Variants in MMRN1 observed in about 807,000 individuals in gnomAD.
The protein encoded by MMRN1 is multimerin-1.
In MMRN1, 94 loss-of-function variants were observed where a neutral mutation model predicts 100.7. The ratio of observed to expected loss-of-function variants is 0.93; its 90% CI spans 0.79 to 1.11. The LOEUF is 1.11. Among genes scored for constraint, MMRN1 ranks in the 50% least tolerant of loss-of-function variants. The pLI is 0.00. For synonymous variants in MMRN1, 575 were observed against 505.0 expected (o/e 1.14, Z -1.86); for missense variants, 1,606 against 1,439.1 (o/e 1.12, Z -1.88).
rs549905323 is a variant in MMRN1 at position 89,901,290 on chromosome 4, G to A, written c.623+5696G>A. Among the ~76,000 whole-genome samples, 6 of 151,978 alleles carry A rather than the reference G, an allele frequency of 3.9e-5. No homozygotes were observed. In the East Asian group the frequency reaches 5.8e-4, roughly 15 times the overall value. On this transcript the variant is annotated intron_variant, in intron 1 of 7. Coordinates refer to ENST00000264790, the MANE Select transcript of MMRN1 (RefSeq NM_007351.3). ...CATATGTTAACATGTTAATGAGAAGGGTCAGAGGAAGGTAAAATTTGAATA... is the reference window on the plus strand; with the variant it reads ...CATATGTTAACATGTTAATGAGAAGAGTCAGAGGAAGGTAAAATTTGAATA...
chr4:89,921,944 C>G (rs372598979), intron 3 of MMRN1, among the ~76,000 whole-genome samples: 1 of 152,148 alleles, frequency 6.6e-6, no homozygotes, highest in African/African-American at 2.4e-5. Context: ...TTCATAAACT[C>G]ACCTGGGAAG....
chr4:89,941,173 A>G (rs1235290560), intron 6 of MMRN1, among the ~76,000 whole-genome samples: 1 of 152,190 alleles, frequency 6.6e-6, no homozygotes, highest in African/African-American at 2.4e-5. Flanking sequence ...AGCCCGTTAA[A>G]TTTTGAAAGC....
chr4:89,936,108 C>G lies in MMRN1; in HGVS notation c.2428C>G (p.Pro810Ala). 1 of 1,612,564 alleles carries G rather than the reference C, an allele frequency of 6.2e-7. No homozygotes were observed. Among genetic ancestry groups the G allele is most frequent in the Non-Finnish European group, 8.5e-7 (1 of 1,179,552 alleles). ...LQVAKTLAGI[P>A]RDEKLNQSNF... is the part of the protein sequence containing the mutation. ...AGTCGCCAAGACCCTTGCAGGTATT[C>G]CCAGAGATGAGAAACTAAATCAGTC... The change falls in exon 6 of 8, where the codon CCC becomes GCC. Residue 810 changes from proline (P) to alanine (A), a missense_variant. Transcript: ENST00000264790.
At chr4:89,929,811 A>T (rs1157918586) in intron 5 of MMRN1, among the ~76,000 whole-genome samples, 1 of 152,156 alleles carries the variant, frequency 6.6e-6, no homozygotes, top group Non-Finnish European at 1.5e-5. Context: ...CCCACCTCCA[A>T]GGTGCTGTGC....
intron 6 of MMRN1, among the ~76,000 whole-genome samples, chr4:89,937,604 T>A (rs1265597415): frequency 2.6e-5 from 4 of 152,076 alleles, no homozygotes; most frequent in Non-Finnish European, 5.9e-5. Flanking sequence ...AGGTAAAAAG[T>A]TCACCTCTCT....
intron 1 of MMRN1, among the ~76,000 whole-genome samples, chr4:89,896,761 G>T (rs947589167): frequency 6.6e-6 from 1 of 152,096 alleles, no homozygotes. Flanking sequence ...AAGAATTCTA[G>T]CCAATGAATT....
intron 1 of MMRN1, 76 bp from the exon 2 acceptor site, chr4:89,909,200 T>A: frequency 6.8e-7 from 1 of 1,467,828 alleles, no homozygotes; most frequent in South Asian, 1.3e-5. Flanking sequence ...TAAATGTTTG[T>A]CTGTGAAAAT....
intron 6 of MMRN1, among the ~76,000 whole-genome samples, chr4:89,947,094 C>G (rs974976052): frequency 1.7e-4 from 26 of 152,150 alleles, no homozygotes; most frequent in African/African-American, 5.5e-4. Context: ...CCAGCTTGGC[C>G]CACACGGTGA....
In MMRN1 at chr4:89,895,710, T is replaced by C. The variant is rs1423744276; in HGVS notation, c.623+116T>C. The stretch of plus-strand genomic sequence containing the variant: ...TCAAATTCAAGATGAAATTGGATCA[T>C]ATTTATAATTTCACCATTTCAGTTA... On this transcript the variant is annotated intron_variant, in intron 1 of 7. Transcript: ENST00000264790. 6 of 1,415,528 alleles carry C rather than the reference T, an allele frequency of 4.2e-6. No homozygotes were observed. The Admixed American group carries it at 1.1e-4, about 27-fold the overall frequency. The allele number at this position is 1,415,528 out of a possible 1,614,324, so 87.7% of individuals were successfully genotyped here. A position where few individuals can be genotyped will look rare whatever the true frequency, so the allele number is the denominator to read the frequency against.
In MMRN1 at chr4:89,931,877, A is replaced by T. The variant is rs1722450468; in HGVS notation, c.1130-2933A>T. ...GAGATTTGGGTCAGGACAATGCCAAACCATATTATTTCACCCCGGCCCCTT... is the reference window on the plus strand; with the variant it reads ...GAGATTTGGGTCAGGACAATGCCAATCCATATTATTTCACCCCGGCCCCTT... On this transcript the variant is annotated intron_variant, in intron 5 of 7. Transcript: ENST00000264790. 2.0e-5 allele frequency among the ~76,000 whole-genome samples: 3 copies of T among 152,062 alleles called. No individual in the cohort carries two copies. The South Asian group carries it at 6.2e-4, about 32-fold the overall frequency.
At position 89,952,753 on chromosome 4, in the gene MMRN1, G is replaced by A. The variant is rs570977950; in HGVS notation, c.3266-244G>A. The stretch of plus-strand genomic sequence containing the variant: ...CATTTCTGTGAGGAAGGTATCAAAT[G>A]TTATTTTTATTCTGTCCTGATCTAA... On this transcript the variant is annotated intron_variant, in intron 7 of 7. Coordinates refer to ENST00000264790, the MANE Select transcript of MMRN1 (RefSeq NM_007351.3). Among the ~76,000 whole-genome samples, 7 of 152,220 alleles carry A rather than the reference G, an allele frequency of 4.6e-5. No individual in the cohort carries two copies. The South Asian group carries it at 1.2e-3, about 27-fold the overall frequency.
At chr4:89,921,310 G>A (rs1410438238) in intron 3 of MMRN1, among the ~76,000 whole-genome samples, 5 of 152,014 alleles carry the variant, frequency 3.3e-5, no homozygotes, top group Non-Finnish European at 7.4e-5. Flanking sequence ...GATCTAAGGT[G>A]GGACTCTAGA....
chr4:89,886,360 C>A (rs940049584), intron 1 of MMRN1, among the ~76,000 whole-genome samples: 2 of 152,014 alleles, frequency 1.3e-5, no homozygotes, highest in African/African-American at 4.8e-5. Context: ...GGATTTTTAA[C>A]GCTTACTTTT....
chr4:89,923,039 C>A (rs1722139021), intron 3 of MMRN1, 129 bp from the exon 4 acceptor site: 1 of 728,562 alleles, frequency 1.4e-6, no homozygotes. Context: ...GCTTACTCTG[C>A]AATCATCCCC....
upstream of MMRN1, chr4:89,894,852 A>G: frequency 6.8e-7 from 1 of 1,460,592 alleles, no homozygotes; most frequent in Non-Finnish European, 9.0e-7. Flanking sequence ...TGTTTCCTCT[A>G]CACATCTCAA....
Position 89,932,171 on chromosome 4 carries a change from G to A in MMRN1, c.1130-2639G>A, listed in dbSNP as rs1034905401. On this transcript the variant is annotated intron_variant, in intron 5 of 7. Transcript: ENST00000264790. ...GGGGCTACGGGCCTCACGCAAGTCC[G>A]AAATCCAGTGGAGCAGTCAAATATT... Among the ~76,000 whole-genome samples the A allele has an allele frequency of 6.6e-5, 10 of 152,270 alleles. No individual in the cohort carries two copies. The East Asian group carries it at 7.7e-4, about 12-fold the overall frequency.
chr4:89,934,891 A>G lies in MMRN1; in HGVS notation c.1211A>G (p.Glu404Gly), dbSNP rs1447050958. The change falls in exon 6 of 8, where the codon GAG becomes GGG. Residue 404 changes from glutamate to glycine, a missense_variant. Coordinates refer to ENST00000264790, the MANE Select transcript of MMRN1 (RefSeq NM_007351.3). ...QFKIFQNDMQ[E>G]TVAQLFKTVS... The stretch of plus-strand genomic sequence containing the variant: ...AAAATTTTTCAAAATGACATGCAAG[A>G]GACTGTAGCACAGCTCTTCAAGACT... The G allele has an allele frequency of 1.2e-6, 2 of 1,603,758 alleles. No individual in the cohort carries two copies. The highest frequency in any genetic ancestry group is 1.7e-6 in the Non-Finnish European group (2 of 1,177,012).
At chr4:89,920,230 C>T (rs954167969) in intron 3 of MMRN1, among the ~76,000 whole-genome samples, 18 of 152,138 alleles carry the variant, frequency 1.2e-4, no homozygotes, top group South Asian at 8.3e-4. Flanking sequence ...AACAATTGGC[C>T]GACCACATTG....
At chr4:89,936,968 A>G (rs1288520476) in intron 6 of MMRN1, among the ~76,000 whole-genome samples, 170 bp downstream of exon 6, 1 of 152,106 alleles carries the variant, frequency 6.6e-6, no homozygotes, top group Non-Finnish European at 1.5e-5. Flanking sequence ...TCTATCTTAC[A>G]GTATTTCAGA....
Sources: allele counts gnomAD v4.1 joint callset (sites outside exome capture counted in the v4.1 genomes callset), GRCh38; gene constraint gnomAD v4.1.1; transcripts MANE v1.5; gene names NCBI Gene and HGNC (gene_info 2026-07-23, HGNC 2026-07-21).